The following FGGY variants were observed in gnomAD, a reference collection of about 807,000 sequenced individuals.
FGGY encodes the protein FGGY carbohydrate kinase domain containing.
FGGY carries 72 observed loss-of-function variants against 71.3 expected under a neutral mutation model. That is an observed-to-expected ratio of 1.01 (90% CI 0.84 to 1.23). The LOEUF (loss-of-function observed/expected upper bound fraction) is 1.23, where lower values mean the gene tolerates loss of function less well. FGGY is among the 50% of genes most tolerant of loss of function. The pLI is 0.00. For missense variants in FGGY, 668 were observed against 682.3 expected, an observed-to-expected ratio of 0.98 and a Z score of 0.23; for synonymous variants, 251 against 250.3, an observed-to-expected ratio of 1.00 and a Z score of -0.02.
At chr1:59,474,094 C>G (rs114116859) in intron 6 of FGGY, 1 of 152,216 alleles carries the variant, frequency 6.6e-6, no homozygotes, top group African/African-American at 2.4e-5. Flanking sequence ...TGTGTTCACA[C>G]TCCTTAGATT....
intron 14 of FGGY, among the ~76,000 whole-genome samples, chr1:59,710,732 A>C (rs1279417323): frequency 6.6e-6 from 1 of 152,214 alleles, no homozygotes; most frequent in African/African-American, 2.4e-5. Context: ...TGCAAATCAA[A>C]ACCACAGAGA....
chr1:59,387,529 A>G lies in FGGY; in HGVS notation c.554+8692A>G, dbSNP rs192750290. ...ATATATTTCAATGATGTTTATGTCA[A>G]TTGCTAATATTTGTATTGGGAGTTC... On this transcript the variant is annotated intron_variant, in intron 5 of 15. Coordinates refer to ENST00000303721, the MANE Select transcript of FGGY (RefSeq NM_018291.5). Among the ~76,000 whole-genome samples the G allele has an allele frequency of 2.6e-5, 4 of 152,210 alleles. No homozygotes were observed. The East Asian group carries it at 7.7e-4, about 29-fold the overall frequency.
chr1:59,375,991 G>C (rs1423258113), intron 4 of FGGY, among the ~76,000 whole-genome samples: 3 of 142,756 alleles, frequency 2.1e-5, no homozygotes, highest in African/African-American at 7.8e-5. Flanking sequence ...ACTGGCCTTT[G>C]ATTTCTGGAA....
chr1:59,762,273 A>G (rs541186268), intron 15 of FGGY, among the ~76,000 whole-genome samples: 1 of 152,202 alleles, frequency 6.6e-6, no homozygotes, highest in Non-Finnish European at 1.5e-5. Flanking sequence ...TATTTTTAAG[A>G]GATGGGGTTT....
At chr1:59,372,668 C>G (rs1337150821) in intron 4 of FGGY, among the ~76,000 whole-genome samples, 1 of 152,146 alleles carries the variant, frequency 6.6e-6, no homozygotes, top group Admixed American at 6.5e-5. Flanking sequence ...CAATAAAATA[C>G]TGGCAAACTG....
At chr1:59,724,451 T>C (rs1415565605) in intron 14 of FGGY, among the ~76,000 whole-genome samples, 1 of 151,280 alleles carries the variant, frequency 6.6e-6, no homozygotes, top group Admixed American at 6.6e-5. Context: ...ACTGCTGCAC[T>C]CCAGCCTGGG....
intron 13 of FGGY, among the ~76,000 whole-genome samples, chr1:59,669,771 A>G (rs370986564): frequency 5.3e-5 from 8 of 152,094 alleles, no homozygotes; most frequent in South Asian, 2.1e-4. Context: ...GCTTTGGAGA[A>G]CACAGTACTC....
intron 6 of FGGY, among the ~76,000 whole-genome samples, chr1:59,506,531 G>C (rs1397075914): frequency 1.3e-5 from 2 of 152,222 alleles, no homozygotes; most frequent in African/African-American, 4.8e-5. Context: ...GGGCATGGTG[G>C]CTTATGCCTG....
intron 8 of FGGY, among the ~76,000 whole-genome samples, chr1:59,600,241 G>A (rs937687322): frequency 6.6e-6 from 1 of 152,208 alleles, no homozygotes; most frequent in Non-Finnish European, 1.5e-5. Context: ...GTGACCTACT[G>A]TGGGGCAGAT....
chr1:59,415,293 A>G (rs1267353912), intron 5 of FGGY, among the ~76,000 whole-genome samples: 2 of 152,212 alleles, frequency 1.3e-5, no homozygotes, highest in Non-Finnish European at 2.9e-5. Context: ...TTGTTTTCCT[A>G]TATAAGACAA....
intron 6 of FGGY, among the ~76,000 whole-genome samples, chr1:59,473,657 A>G (rs932858283): frequency 6.6e-6 from 1 of 152,102 alleles, no homozygotes; most frequent in African/African-American, 2.4e-5. Flanking sequence ...GGCAAGATAG[A>G]GTTTATGGGG....
chr1:59,475,335 T>C (rs1449209394), intron 6 of FGGY, among the ~76,000 whole-genome samples: 1 of 152,240 alleles, frequency 6.6e-6, no homozygotes, highest in African/African-American at 2.4e-5. Context: ...TTTAGCTTTT[T>C]TTCCATGAAT....
chr1:59,305,547 T>A (rs1263982630), intron 1 of FGGY, among the ~76,000 whole-genome samples: 1 of 152,196 alleles, frequency 6.6e-6, no homozygotes, highest in Non-Finnish European at 1.5e-5. Flanking sequence ...CTAGCTTTAG[T>A]TTAAGGGTAA....
intron 6 of FGGY, among the ~76,000 whole-genome samples, chr1:59,463,236 A>C (rs1435108498): frequency 1.3e-5 from 2 of 152,184 alleles, no homozygotes; most frequent in Non-Finnish European, 2.9e-5. Flanking sequence ...AATTTTCAAC[A>C]CAGAATTTCA....
At chr1:59,423,845 A>G (rs570940105) in intron 5 of FGGY, among the ~76,000 whole-genome samples, 4 of 152,100 alleles carry the variant, frequency 2.6e-5, no homozygotes, top group Non-Finnish European at 2.9e-5. Context: ...GCAAACTCCT[A>G]TGCATTCTTT....
chr1:59,561,580 A>ATAAGCAGTAATACTACTTGCTAC (rs1171387619), intron 8 of FGGY, among the ~76,000 whole-genome samples: 2 of 152,206 alleles, frequency 1.3e-5, no homozygotes, highest in Admixed American at 1.3e-4. Flanking sequence ...TCATGAGGAG[A>ATAAGCAGTAATACTACTTGCTAC]TAAGCAGTAA....
intron 12 of FGGY, among the ~76,000 whole-genome samples, chr1:59,667,043 A>G (rs1353333865): frequency 1.3e-5 from 2 of 152,210 alleles, no homozygotes; most frequent in Non-Finnish European, 2.9e-5. Context: ...AACTACTGAT[A>G]GAAGCAAATG....
intron 14 of FGGY, among the ~76,000 whole-genome samples, chr1:59,757,721 G>T (rs2098305097): frequency 6.6e-6 from 1 of 152,128 alleles, no homozygotes; most frequent in African/African-American, 2.4e-5. Context: ...AGGAGGTGTG[G>T]TCATAATTGA....
intron 5 of FGGY, among the ~76,000 whole-genome samples, chr1:59,444,048 T>C (rs753825905): frequency 3.5e-4 from 53 of 152,194 alleles, no homozygotes; most frequent in Non-Finnish European, 6.6e-4. Context: ...CCAACATTAC[T>C]AGAATGGAGA....
Sources: allele counts gnomAD v4.1 joint callset (sites outside exome capture counted in the v4.1 genomes callset), GRCh38; gene constraint gnomAD v4.1.1; transcripts MANE v1.5; gene names NCBI Gene and HGNC (gene_info 2026-07-23, HGNC 2026-07-21).